Variants in TANC2 observed in about 807,000 individuals in gnomAD.
The protein encoded by TANC2 is protein TANC2.
Under a neutral mutation model 210.5 loss-of-function variants are expected in TANC2, and 26 were observed. The ratio of observed to expected loss-of-function variants is 0.12; its 90% CI spans 0.09 to 0.17. TANC2 has a LOEUF of 0.17. Among genes scored for constraint, TANC2 ranks in the 10% least tolerant of loss-of-function variants. The pLI is 1.00. For synonymous variants in TANC2, 931 were observed against 967.1 expected (o/e 0.96, Z 0.69); for missense variants, 2,129 against 2,608.9 (o/e 0.82, Z 4.01).
intron 4 of TANC2, among the ~76,000 whole-genome samples, chr17:63,125,469 G>C (rs1480874178): frequency 1.3e-5 from 2 of 152,100 alleles, no homozygotes; most frequent in African/African-American, 4.8e-5. Flanking sequence ...TTTTTTAAGT[G>C]AGCAGAGAGT....
intron 5 of TANC2, among the ~76,000 whole-genome samples, chr17:63,185,764 T>C (rs997567109): frequency 1.3e-5 from 2 of 152,232 alleles, no homozygotes; most frequent in African/African-American, 2.4e-5. Context: ...ATTGAACACC[T>C]TTACATGTGC....
chr17:63,309,905 A>T (rs1013797242), intron 9 of TANC2, among the ~76,000 whole-genome samples: 2 of 152,206 alleles, frequency 1.3e-5, no homozygotes, highest in African/African-American at 4.8e-5. Flanking sequence ...GAATAAGATA[A>T]AGTAAGCATT....
chr17:63,004,269 C>T (rs1327728721), intron 1 of TANC2, among the ~76,000 whole-genome samples: 1 of 152,178 alleles, frequency 6.6e-6, no homozygotes, highest in East Asian at 1.9e-4. Context: ...GATTGCCTGA[C>T]ACACTGGTAA....
chr17:63,004,246 A>G (rs1598229071), intron 1 of TANC2, among the ~76,000 whole-genome samples: 1 of 152,216 alleles, frequency 6.6e-6, no homozygotes, highest in African/African-American at 2.4e-5. Context: ...CAGTGGCATC[A>G]CTGGAAGGTT....
rs117371056 is a variant in TANC2, at chr17:63,366,135, T to C, written c.2582+10745T>C. Among the ~76,000 whole-genome samples, 823 of 152,234 alleles carry C rather than the reference T, an allele frequency of 5.4e-3. 6 individuals are homozygous for C. Among genetic ancestry groups the C allele is most frequent in the South Asian group, 0.014 (68 of 4,818 alleles). On this transcript the variant is annotated intron_variant, in intron 14 of 27. Coordinates refer to ENST00000689528, the Ensembl canonical transcript of TANC2. ...AATTTTAAGCTAGCAACTTCAAATA[T>C]TTGAGAAACTCTTCCCACAACTCAA...
intron 7 of TANC2, among the ~76,000 whole-genome samples, chr17:63,201,193 T>TA (rs539060362): frequency 7.4e-5 from 11 of 149,236 alleles, no homozygotes; most frequent in Middle Eastern, 3.4e-3. Flanking sequence ...GGAGTGGATT[T>TA]AAAAAAAAAA....
At chr17:63,260,920 G>A (rs1279222785) in intron 8 of TANC2, among the ~76,000 whole-genome samples, 1 of 151,896 alleles carries the variant, frequency 6.6e-6, no homozygotes, top group Non-Finnish European at 1.5e-5. Flanking sequence ...AACAGAATAA[G>A]GGTTGAATTT....
chr17:63,157,714 C>T (rs2039886491), intron 5 of TANC2, among the ~76,000 whole-genome samples: 1 of 151,844 alleles, frequency 6.6e-6, no homozygotes, highest in Non-Finnish European at 1.5e-5. Flanking sequence ...TATAAACATA[C>T]ATAAATACAT....
rs572504899 is a variant in TANC2 at position 63,332,492 on chromosome 17, G to A, written c.1576-7609G>A. On this transcript the variant is annotated intron_variant, in intron 11 of 27. Coordinates refer to ENST00000689528, the Ensembl canonical transcript of TANC2. ...CATCTAACTTGGCACTGTTCCTTGG[G>A]CCTCCTTTGCAATCAGCCCCACTGG... 3.2e-5 allele frequency: 13 copies of A among 407,276 alleles called. No homozygotes were observed. The East Asian group carries it at 4.3e-4, about 13-fold the overall frequency. 25.2% of individuals were successfully genotyped at this position (407,276 alleles called of 1,614,324 possible).
chr17:63,108,825 A>G (rs1392889262), intron 4 of TANC2, among the ~76,000 whole-genome samples: 1 of 151,222 alleles, frequency 6.6e-6, no homozygotes, highest in East Asian at 1.9e-4. Context: ...ATATAAATAA[A>G]TAAATAAAAA....
chr17:63,367,516 G>C (rs2047145615), intron 14 of TANC2, among the ~76,000 whole-genome samples: 2 of 152,088 alleles, frequency 1.3e-5, no homozygotes, highest in African/African-American at 4.8e-5. Flanking sequence ...GGATACCCCT[G>C]CTCTAAAGGA....
intron 15 of TANC2, among the ~76,000 whole-genome samples, chr17:63,384,928 G>A (rs1477478726): frequency 1.3e-5 from 2 of 152,270 alleles, no homozygotes; most frequent in South Asian, 2.1e-4. Context: ...GAGAAGTGAG[G>A]TCCTGAATCA....
intron 4 of TANC2, among the ~76,000 whole-genome samples, chr17:63,137,343 T>A (rs530417193): frequency 6.6e-6 from 1 of 152,310 alleles, no homozygotes. Flanking sequence ...AAAGAAGATG[T>A]TGATTTCTTT....
intron 1 of TANC2, among the ~76,000 whole-genome samples, chr17:62,990,372 G>A (rs1234757316): frequency 2.0e-5 from 3 of 152,066 alleles, no homozygotes; most frequent in African/African-American, 7.2e-5. Flanking sequence ...TTGACCTCAG[G>A]CATAAGCAAT....
intron 4 of TANC2, among the ~76,000 whole-genome samples, chr17:63,129,875 A>G (rs753625682): frequency 1.3e-5 from 2 of 152,172 alleles, no homozygotes; most frequent in African/African-American, 2.4e-5. Flanking sequence ...CTTTTAAGTG[A>G]TCTTTATTAT....
chr17:63,035,084 A>C lies in TANC2; in HGVS notation c.67+25458A>C, dbSNP rs142896684. On this transcript the variant is annotated intron_variant, in intron 2 of 27. Transcript: ENST00000689528. ...GAAAGGAAAAGTTATTTGATGTGGC[A>C]AACTTCATTTGTTGTCTTATTTTAA... Among the ~76,000 whole-genome samples the C allele has an allele frequency of 2.6e-4, 39 of 152,304 alleles. No homozygotes were observed. In the East Asian group the frequency reaches 7.5e-3, roughly 29 times the overall value.
intron 2 of TANC2, among the ~76,000 whole-genome samples, chr17:63,010,116 T>C (rs2033800125): frequency 6.6e-6 from 1 of 152,152 alleles, no homozygotes; most frequent in African/African-American, 2.4e-5. Context: ...AAACTATATA[T>C]ACTTCCTTGG....
chr17:63,128,505 T>C (rs2038795521), intron 4 of TANC2, among the ~76,000 whole-genome samples: 2 of 152,192 alleles, frequency 1.3e-5, no homozygotes, highest in Non-Finnish European at 2.9e-5. Context: ...TTTAGTGCAG[T>C]TTACACAAAA....
intron 2 of TANC2, among the ~76,000 whole-genome samples, chr17:63,047,041 G>A (rs1375114849): frequency 6.6e-6 from 1 of 152,104 alleles, no homozygotes; most frequent in African/African-American, 2.4e-5. Flanking sequence ...TGTGAACCAT[G>A]TGACATAAAA....
Sources: gnomAD v4.1 joint callset for allele counts (sites outside exome capture counted in the v4.1 genomes callset) on GRCh38, gnomAD v4.1.1 for gene constraint, MANE v1.5 for transcripts, NCBI Gene and HGNC (gene_info 2026-07-23, HGNC 2026-07-21) for gene names.